FAM110B: variants seen among roughly 807,000 people sequenced by gnomAD.
FAM110B encodes the protein family with sequence similarity 110 member B.
FAM110B carries 6 observed loss-of-function variants against 20.4 expected under a neutral mutation model. The observed-to-expected ratio is 0.29, with a 90% CI of 0.16 to 0.58. FAM110B has a LOEUF of 0.58. Ranked by LOEUF, FAM110B falls within the 20% of genes least tolerant of loss-of-function variation. The probability of loss-of-function intolerance (pLI) is 0.90; values close to 1 mark genes in which losing one functional copy is unlikely to be tolerated. For missense variants in FAM110B, 434 were observed against 498.2 expected (o/e 0.87, Z 1.23); for synonymous variants, 226 against 214.1 (o/e 1.06, Z -0.49).
intron 1 of FAM110B, among the ~76,000 whole-genome samples, chr8:58,010,700 G>A (rs576253605): frequency 5.6e-4 from 86 of 152,280 alleles, no homozygotes; most frequent in African/African-American, 2.0e-3. Context: ...GTAGGGTGCT[G>A]GACTGGGCTA....
intron 2 of FAM110B, among the ~76,000 whole-genome samples, chr8:58,069,712 C>A (rs570432602): frequency 5.1e-4 from 78 of 152,284 alleles, no homozygotes; most frequent in African/African-American, 1.7e-3. Flanking sequence ...GATTAATTAG[C>A]ACTTTATGAC....
rs75356749 is a variant in FAM110B at position 58,108,963 on chromosome 8, T to A, written c.-325+33340T>A. Among the ~76,000 whole-genome samples, 661 of 152,330 alleles carry A rather than the reference T, an allele frequency of 4.3e-3. 4 individuals carry two copies. The highest frequency in any genetic ancestry group is 0.015 in the African/African-American group (615 of 41,562). ...ACAGTCTCAACCCACCCAACAACCC[T>A]ATTCAACCCTATTTATTACAGACTC... On this transcript the variant is annotated intron_variant, in intron 3 of 3. Coordinates refer to ENST00000519262, the MANE Select transcript of FAM110B (RefSeq NM_001377989.1).
intron 2 of FAM110B, among the ~76,000 whole-genome samples, chr8:58,051,719 A>G (rs1285814788): frequency 1.3e-5 from 2 of 152,182 alleles, no homozygotes; most frequent in Non-Finnish European, 2.9e-5. Context: ...ATGGAGATAG[A>G]TGTATATTAG....
At chr8:58,047,001 A>C (rs1585839605) in intron 2 of FAM110B, among the ~76,000 whole-genome samples, 2 of 152,230 alleles carry the variant, frequency 1.3e-5, no homozygotes, top group Non-Finnish European at 1.5e-5. Flanking sequence ...GCTGATGTCG[A>C]CAGCCGTAAT....
At position 58,129,741 on chromosome 8, in the gene FAM110B, A is replaced by G. The variant is rs547203852; in HGVS notation, c.-324-16166A>G. ...AGCTTACCAAGGCAGAGCCACACCC[A>G]TGCAGGGTCTCCAGTGCCCACGGCT... is the stretch of plus-strand genomic sequence containing the variant. On this transcript the variant is annotated intron_variant, in intron 3 of 3. Coordinates refer to ENST00000519262, the MANE Select transcript of FAM110B (RefSeq NM_001377989.1). Among the ~76,000 whole-genome samples, 138 of 152,332 alleles carry G rather than the reference A, an allele frequency of 9.1e-4. 1 individual carries two copies. Among genetic ancestry groups the G allele is most frequent in the Middle Eastern group, 3.4e-3 (1 of 294 alleles).
intron 1 of FAM110B, among the ~76,000 whole-genome samples, chr8:58,015,191 A>T (rs1426078498): frequency 2.0e-5 from 3 of 152,064 alleles, no homozygotes; most frequent in African/African-American, 7.3e-5. Flanking sequence ...CCCTGTCTCT[A>T]CTAAAAATAC....
intron 3 of FAM110B, among the ~76,000 whole-genome samples, chr8:58,079,628 T>A (rs1454801858): frequency 1.3e-5 from 2 of 152,008 alleles, no homozygotes; most frequent in Non-Finnish European, 2.9e-5. Context: ...AAAAATTTTT[T>A]AAATTAGCCA....
intron 1 of FAM110B, among the ~76,000 whole-genome samples, chr8:58,012,201 CTG>C (rs1804551190): frequency 6.6e-6 from 1 of 152,034 alleles, no homozygotes; most frequent in Admixed American, 6.6e-5. Context: ...AGCTTGACCT[CTG>C]TATTATATGC....
At chr8:58,058,794 T>C (rs1284936467) in intron 2 of FAM110B, among the ~76,000 whole-genome samples, 1 of 152,190 alleles carries the variant, frequency 6.6e-6, no homozygotes, top group Non-Finnish European at 1.5e-5. Context: ...AGTAATACCA[T>C]ATTTGTAATG....
At chr8:58,056,879 T>C (rs552382141) in intron 2 of FAM110B, among the ~76,000 whole-genome samples, 4 of 152,314 alleles carry the variant, frequency 2.6e-5, no homozygotes, top group Non-Finnish European at 4.4e-5. Context: ...TCTGGAACTC[T>C]GCGTGCATGT....
intron 1 of FAM110B, among the ~76,000 whole-genome samples, chr8:58,006,921 A>ATTTTTT (rs142497701): frequency 5.8e-4 from 70 of 119,666 alleles, no homozygotes; most frequent in East Asian, 2.4e-3. Context: ...ATATATATAT[A>ATTTTTT]TATTTTTCCA....
intron 2 of FAM110B, among the ~76,000 whole-genome samples, chr8:58,037,286 C>A (rs1805093915): frequency 6.6e-6 from 1 of 150,702 alleles, no homozygotes; most frequent in Middle Eastern, 3.4e-3. Flanking sequence ...CTTGCCTTCT[C>A]TCTAAAAGGA....
At chr8:58,079,832 AAGAC>A (rs946759807) in intron 3 of FAM110B, among the ~76,000 whole-genome samples, 17 of 152,224 alleles carry the variant, frequency 1.1e-4, no homozygotes, top group African/African-American at 4.1e-4. Flanking sequence ...AATCAAATGT[AAGAC>A]AGATTCTGTG....
chr8:58,142,326 T>C (rs1405602412), intron 3 of FAM110B, among the ~76,000 whole-genome samples: 2 of 152,176 alleles, frequency 1.3e-5, no homozygotes, highest in African/African-American at 4.8e-5. Context: ...GAGAAATGCG[T>C]AATCTGGGTC....
At chr8:58,040,518 G>A (rs1805191691) in intron 2 of FAM110B, among the ~76,000 whole-genome samples, 1 of 152,132 alleles carries the variant, frequency 6.6e-6, no homozygotes, top group Admixed American at 6.5e-5. Flanking sequence ...AGAGCTGGAG[G>A]AAGAGAAAAT....
intron 2 of FAM110B, among the ~76,000 whole-genome samples, chr8:58,054,892 C>T (rs1805518900): frequency 1.3e-5 from 2 of 150,724 alleles, no homozygotes; most frequent in South Asian, 4.2e-4. Context: ...TATTTCATAG[C>T]ACTTTCTCAG....
At chr8:58,102,032 G>A (rs73682148) in intron 3 of FAM110B, among the ~76,000 whole-genome samples, 5,190 of 152,286 alleles carry the variant, frequency 0.034, 306 homozygotes, top group African/African-American at 0.12. Flanking sequence ...TCTTCCATAT[G>A]AATGCCACTT....
chr8:58,146,794 G>A lies in FAM110B; in HGVS notation c.564G>A (p.Gln188=). Residue 188 remains glutamine, a synonymous_variant, in exon 4 of 4, where the codon CAG becomes CAA. Coordinates refer to ENST00000519262, the MANE Select transcript of FAM110B (RefSeq NM_001377989.1). ...ACGTGGGCAGGAGACTGCTGGAGCA[G>A]TCAGCCGAGTCCTTCCTCCACGTGT... ...GSHVGRRLLE[Q]SAESFLHVSH... The A allele has an allele frequency of 6.2e-7, 1 of 1,610,364 alleles. No individual in the cohort carries two copies. The highest frequency in any genetic ancestry group is 1.7e-4 in the Middle Eastern group (1 of 6,046).
intron 3 of FAM110B, among the ~76,000 whole-genome samples, chr8:58,103,522 C>G (rs1176278383): frequency 2.0e-5 from 3 of 152,104 alleles, no homozygotes; most frequent in Admixed American, 6.5e-5. Flanking sequence ...TTATGTGTTT[C>G]TATAAGCAAA....
Sources: gnomAD v4.1 joint callset for allele counts (sites outside exome capture counted in the v4.1 genomes callset) on GRCh38, gnomAD v4.1.1 for gene constraint, MANE v1.5 for transcripts, NCBI Gene and HGNC (gene_info 2026-07-23, HGNC 2026-07-21) for gene names.